Variants in CATSPERE observed in about 807,000 individuals in gnomAD.
CATSPERE encodes the protein cation channel sperm-associated auxiliary subunit epsilon.
A neutral mutation model predicts 114.1 loss-of-function variants in CATSPERE; 93 were observed. The observed-to-expected ratio is 0.81, with a 90% CI of 0.69 to 0.97. The LOEUF is 0.97. Ranked by LOEUF, CATSPERE falls within the 50% of genes least tolerant of loss-of-function variation. The pLI, the probability that CATSPERE is intolerant of heterozygous loss-of-function variation, is 0.00. For missense variants in CATSPERE, 1,058 were observed against 1,131.6 expected, an observed-to-expected ratio of 0.93 and a Z score of 0.93; for synonymous variants, 341 against 384.1, an observed-to-expected ratio of 0.89 and a Z score of 1.31.
chr1:244,451,374 G>C (rs1375084528), upstream of CATSPERE, among the ~76,000 whole-genome samples: 1 of 152,140 alleles, frequency 6.6e-6, no homozygotes, highest in East Asian at 1.9e-4. The surrounding 1 kb of genome is among the most constrained non-coding windows in gnomAD (Gnocchi z 6.6). Flanking sequence ...GCCAGGCATC[G>C]CGCATCTCTC....
chr1:244,467,582 G>A (rs531981014), intron 2 of CATSPERE, among the ~76,000 whole-genome samples: 3 of 152,240 alleles, frequency 2.0e-5, no homozygotes, highest in African/African-American at 4.8e-5. Context: ...GAATATATAC[G>A]TATCCTGTGA....
chr1:244,626,485 C>CAAAAAAAAAAAAAAAAAAAAAAA (rs35687880), intron 20 of CATSPERE, among the ~76,000 whole-genome samples: 1 of 66,878 alleles, frequency 1.5e-5, no homozygotes, highest in African/African-American at 5.5e-5. Context: ...AATTCCATCT[C>CAAAAAAAAAAAAAAAAAAAAAAA]AAAAAAAAAA....
In CATSPERE at chr1:244,531,268, C is replaced by G. The variant is rs72773405; in HGVS notation, c.536+12570C>G. 3.9e-3 allele frequency among the ~76,000 whole-genome samples: 567 copies of G among 146,172 alleles called. 2 individuals are homozygous for G. The highest frequency in any genetic ancestry group is 5.8e-3 in the Non-Finnish European group (386 of 66,430). Reference sequence around the variant, plus strand: ...AAAAAAAAAAAAAAAAAGATTGTATCTTCTGCAAGCAAGGATGATTTGATT... The same window carrying G: ...AAAAAAAAAAAAAAAAAGATTGTATGTTCTGCAAGCAAGGATGATTTGATT... On this transcript the variant is annotated intron_variant, in intron 8 of 21. Transcript: ENST00000366534.
At chr1:244,521,914 A>C (rs947365576) in intron 8 of CATSPERE, among the ~76,000 whole-genome samples, 2 of 146,342 alleles carry the variant, frequency 1.4e-5, no homozygotes, top group Non-Finnish European at 1.5e-5. Flanking sequence ...GAGACTGTCA[A>C]CATTAGATCA....
intron 6 of CATSPERE, among the ~76,000 whole-genome samples, chr1:244,491,277 C>G (rs370169746): frequency 3.3e-5 from 5 of 152,292 alleles, no homozygotes; most frequent in Admixed American, 6.5e-5. Flanking sequence ...AACTAGAACT[C>G]AGGACTAAGA....
chr1:244,561,147 T>A lies in CATSPERE; in HGVS notation c.1507+2T>A, dbSNP rs1466950576. ...GCATTATTCATGAAGTTTTCATAGGTAAGGCATTCTCAGTCCACTAACATT... is the reference window on the plus strand; with the variant it reads ...GCATTATTCATGAAGTTTTCATAGGAAAGGCATTCTCAGTCCACTAACATT... On this transcript the variant is annotated splice_donor_variant, in intron 10 of 21. Transcript: ENST00000366534. LOFTEE classifies it high-confidence loss of function. 6.5e-7 allele frequency: 1 copy of A among 1,527,886 alleles called. No homozygotes were observed. Among genetic ancestry groups the A allele is most frequent in the Non-Finnish European group, 9.0e-7 (1 of 1,106,990 alleles). The allele number at this position is 1,527,886 out of a possible 1,614,324, so 94.6% of individuals were successfully genotyped here.
chr1:244,563,472 C>T (rs1049762392), intron 10 of CATSPERE, among the ~76,000 whole-genome samples: 9 of 152,250 alleles, frequency 5.9e-5, no homozygotes, highest in East Asian at 5.8e-4. Flanking sequence ...TGACGTGAGA[C>T]GGTATGTCAT....
At chr1:244,485,273 A>G (rs1362275763) in intron 5 of CATSPERE, among the ~76,000 whole-genome samples, 2 of 151,192 alleles carry the variant, frequency 1.3e-5, no homozygotes, top group Non-Finnish European at 2.9e-5. Context: ...CTTCTGCCTC[A>G]TGGGTTCAAG....
At chr1:244,616,917 G>A (rs1671470473) in intron 19 of CATSPERE, among the ~76,000 whole-genome samples, 1 of 152,144 alleles carries the variant, frequency 6.6e-6, no homozygotes, top group African/African-American at 2.4e-5. Flanking sequence ...CTTTAAGTAG[G>A]GTGTGAAAAC....
chr1:244,576,885 T>C (rs1213503878), intron 11 of CATSPERE, among the ~76,000 whole-genome samples: 1 of 152,200 alleles, frequency 6.6e-6, no homozygotes, highest in Non-Finnish European at 1.5e-5. Flanking sequence ...GTGAAACATT[T>C]TACTTTAACT....
rs776221312 is a variant in CATSPERE at position 244,518,699 on chromosome 1, G to T, written c.536+1G>T. 2.8e-6 allele frequency: 4 copies of T among 1,440,822 alleles called. No homozygotes were observed. Among genetic ancestry groups the T allele is most frequent in the Non-Finnish European group, 3.8e-6 (4 of 1,059,002 alleles). The allele number at this position is 1,440,822 out of a possible 1,614,324, so 89.3% of individuals were successfully genotyped here. A position where few individuals can be genotyped will look rare whatever the true frequency, so the allele number is the denominator to read the frequency against. On this transcript the variant is annotated splice_donor_variant, in intron 8 of 21. Transcript: ENST00000366534. LOFTEE classifies it high-confidence loss of function. ...CTTCAAATGAGAAAATGAGAAGGGG[G>T]TATTTAATTTTTTTTAATTTTAAAT...
At chr1:244,605,561 C>G in intron 17 of CATSPERE, 134 bp from the exon 18 acceptor site, 1 of 493,228 alleles carries the variant, frequency 2.0e-6, no homozygotes, top group South Asian at 3.7e-5. Context: ...AGTAACTCCC[C>G]CAGAGTTACT....
At chr1:244,527,057 C>G (rs148653679) in intron 8 of CATSPERE, among the ~76,000 whole-genome samples, 1 of 151,986 alleles carries the variant, frequency 6.6e-6, no homozygotes, top group Non-Finnish European at 1.5e-5. Flanking sequence ...ACCACAGGAC[C>G]GGGGCAAAAT....
Position 244,485,878 on chromosome 1 carries a change from T to C in CATSPERE, c.327-4569T>C, listed in dbSNP as rs529205828. Among the ~76,000 whole-genome samples the C allele has an allele frequency of 3.3e-5, 5 of 151,834 alleles. No homozygotes were observed. The East Asian group carries it at 9.7e-4, about 30-fold the overall frequency. On this transcript the variant is annotated intron_variant, in intron 5 of 21. Coordinates refer to ENST00000366534, the MANE Select transcript of CATSPERE (RefSeq NM_001130957.2). The stretch of plus-strand genomic sequence containing the variant: ...TGCTCCATCTTTTTTTTTTTTCTTG[T>C]ACAGACAGGGTTTCACTTTGTTGCC...
chr1:244,602,290 G>C (rs1182296356), intron 17 of CATSPERE, among the ~76,000 whole-genome samples: 1 of 152,186 alleles, frequency 6.6e-6, no homozygotes, highest in African/African-American at 2.4e-5. Flanking sequence ...CAGTTCCACT[G>C]AATTATAGTA....
At chr1:244,576,652 C>T (rs1302173315) in intron 11 of CATSPERE, among the ~76,000 whole-genome samples, 1 of 151,814 alleles carries the variant, frequency 6.6e-6, no homozygotes, top group Non-Finnish European at 1.5e-5. Flanking sequence ...TAGTGCATTT[C>T]AAATTAATAT....
intron 2 of CATSPERE, among the ~76,000 whole-genome samples, chr1:244,465,119 T>A (rs187541736): frequency 7.1e-4 from 107 of 151,482 alleles, no homozygotes; most frequent in Admixed American, 2.1e-3. Context: ...CACTGTAACC[T>A]CTGCCTCCCG....
At chr1:244,454,585 C>A (rs1162618283) in exon 1 of CATSPERE, 2 of 151,332 alleles carry the variant, frequency 1.3e-5, no homozygotes, top group Admixed American at 6.6e-5. Context: ...AGAAAGGGAA[C>A]CCGGAAATCT....
intron 19 of CATSPERE, among the ~76,000 whole-genome samples, chr1:244,613,264 T>C (rs1670968588): frequency 6.6e-6 from 1 of 152,160 alleles, no homozygotes; most frequent in South Asian, 2.1e-4. Flanking sequence ...CACCAAAAAA[T>C]ATATTTTGTA....
Sources: gnomAD v4.1 joint callset for allele counts (sites outside exome capture counted in the v4.1 genomes callset) on GRCh38, gnomAD v4.1.1 for gene constraint, Gnocchi (gnomAD v3.1) non-coding constraint, MANE v1.5 for transcripts, NCBI Gene and HGNC (gene_info 2026-07-23, HGNC 2026-07-21) for gene names.